The following COX7B2 variants were observed in gnomAD, a reference collection of about 807,000 sequenced individuals.
The protein encoded by COX7B2 is cytochrome c oxidase subunit 7B2, mitochondrial.
For synonymous variants in COX7B2, 37 were observed against 32.1 expected (o/e 1.15, Z -0.51); for missense variants, 109 against 95.9 (o/e 1.14, Z -0.57).
intron 2 of COX7B2, among the ~76,000 whole-genome samples, chr4:46,803,790 C>A (rs1185848175): frequency 2.1e-5 from 3 of 141,112 alleles, no homozygotes; most frequent in Non-Finnish European, 4.5e-5. Context: ...CAAAGACAGA[C>A]AAGTATTTAA....
At chr4:46,895,920 C>A (rs138472873) in intron 1 of COX7B2, among the ~76,000 whole-genome samples, 2 of 152,230 alleles carry the variant, frequency 1.3e-5, no homozygotes, top group East Asian at 1.9e-4. Flanking sequence ...TGCACTTTCA[C>A]CACCTTTATT....
chr4:46,832,966 C>A (rs142534205), intron 2 of COX7B2, among the ~76,000 whole-genome samples: 1,678 of 151,824 alleles, frequency 0.011, 18 homozygotes, highest in Middle Eastern at 0.041. Flanking sequence ...AGTGCAAAGG[C>A]GTGATCTTGG....
intron 2 of COX7B2, among the ~76,000 whole-genome samples, chr4:46,766,393 TTCA>T (rs1421660920): frequency 6.6e-6 from 1 of 152,150 alleles, no homozygotes; most frequent in Non-Finnish European, 1.5e-5. Flanking sequence ...TTTGTCACAC[TTCA>T]TCATCAAATG....
At chr4:46,823,462 A>T (rs1472612887) in intron 2 of COX7B2, among the ~76,000 whole-genome samples, 5 of 151,582 alleles carry the variant, frequency 3.3e-5, no homozygotes, top group Admixed American at 6.6e-5. Context: ...TAACAGAAAG[A>T]CATCTGAAAA....
intron 1 of COX7B2, among the ~76,000 whole-genome samples, chr4:46,901,684 C>T (rs565219029): frequency 2.0e-5 from 3 of 152,318 alleles, no homozygotes; most frequent in African/African-American, 7.2e-5. Flanking sequence ...TGCGGACTTA[C>T]GTCAGCCAAT....
intron 1 of COX7B2, among the ~76,000 whole-genome samples, chr4:46,867,410 C>A (rs1341055526): frequency 6.6e-6 from 1 of 152,218 alleles, no homozygotes; most frequent in African/African-American, 2.4e-5. Context: ...CCAATGGTGT[C>A]AAAGGCTGTC....
At chr4:46,897,155 C>G (rs1428165587) in intron 1 of COX7B2, among the ~76,000 whole-genome samples, 1 of 152,098 alleles carries the variant, frequency 6.6e-6, no homozygotes, top group African/African-American at 2.4e-5. Context: ...GACAACAGAA[C>G]CAGGAACAAA....
chr4:46,838,990 C>T (rs1368515834), intron 2 of COX7B2, among the ~76,000 whole-genome samples: 2 of 151,812 alleles, frequency 1.3e-5, no homozygotes, highest in Non-Finnish European at 2.9e-5. Context: ...ATGCATTTAG[C>T]GCCTTTTCAA....
chr4:46,737,012 T>C (rs1714408880), intron 2 of COX7B2, among the ~76,000 whole-genome samples: 1 of 152,176 alleles, frequency 6.6e-6, no homozygotes, highest in African/African-American at 2.4e-5. Flanking sequence ...TGTTTAGTTT[T>C]ATAAGAAACT....
intron 2 of COX7B2, among the ~76,000 whole-genome samples, chr4:46,841,374 T>TGTGTGTGTGTGTG (rs1560414291): frequency 2.0e-5 from 3 of 150,678 alleles, no homozygotes; most frequent in South Asian, 2.1e-4. Flanking sequence ...TGTGTGTGTG[T>TGTGTGTGTGTGTG]TTAAGATGGG....
intron 2 of COX7B2, among the ~76,000 whole-genome samples, chr4:46,808,790 G>A (rs1719139220): frequency 6.6e-6 from 1 of 151,868 alleles, no homozygotes; most frequent in Admixed American, 6.6e-5. Context: ...CAATTGAGAT[G>A]ATCACGTGGT....
In COX7B2 at chr4:46,908,796, C is replaced by CT. The variant is rs537148489; in HGVS notation, c.-105+363dup. Among the ~76,000 whole-genome samples the CT allele has an allele frequency of 2.6e-3, 387 of 147,732 alleles. 1 individual carries two copies. The Middle Eastern group carries it at 0.034, about 13-fold the overall frequency. On this transcript the variant is annotated intron_variant, in intron 1 of 2. Coordinates refer to ENST00000355591, the MANE Select transcript of COX7B2 (RefSeq NM_130902.3). ...GTGGCTCACGCCTGTAATCCCAACA[C>CT]TTTGGGAGGCCGAGGCGGGTGGATC... is the stretch of plus-strand genomic sequence containing the variant.
chr4:46,745,350 C>T (rs1714959339), intron 2 of COX7B2, among the ~76,000 whole-genome samples: 1 of 152,100 alleles, frequency 6.6e-6, no homozygotes, highest in Admixed American at 6.5e-5. Context: ...GGTGCATTCG[C>T]AGAGAAATTT....
At chr4:46,786,941 T>C (rs1315158780) in intron 2 of COX7B2, among the ~76,000 whole-genome samples, 3 of 151,934 alleles carry the variant, frequency 2.0e-5, no homozygotes, top group Admixed American at 6.6e-5. Context: ...AAAGAGAGAG[T>C]TCCTGGACTT....
At chr4:46,755,544 C>T (rs969101593) in intron 2 of COX7B2, among the ~76,000 whole-genome samples, 1 of 152,038 alleles carries the variant, frequency 6.6e-6, no homozygotes, top group Non-Finnish European at 1.5e-5. Context: ...TTATTGATCA[C>T]ATGATAATAT....
chr4:46,882,959 A>T lies in COX7B2; in HGVS notation c.-105+26201T>A, dbSNP rs138222516. Among the ~76,000 whole-genome samples, 633 of 152,332 alleles carry T rather than the reference A, an allele frequency of 4.2e-3. 6 individuals carry two copies. Among genetic ancestry groups the T allele is most frequent in the African/African-American group, 0.014 (592 of 41,572 alleles). Reference sequence around the variant, plus strand: ...TGCAATGGGAAAGAGACTTAATTTCACACATATGTTTAATAAATATGTTTC... The same window carrying T: ...TGCAATGGGAAAGAGACTTAATTTCTCACATATGTTTAATAAATATGTTTC... On this transcript the variant is annotated intron_variant, in intron 1 of 2. Transcript: ENST00000355591.
At chr4:46,896,160 G>C (rs543909395) in intron 1 of COX7B2, among the ~76,000 whole-genome samples, 1 of 152,246 alleles carries the variant, frequency 6.6e-6, no homozygotes, top group Non-Finnish European at 1.5e-5. Flanking sequence ...GCGTATACCT[G>C]AGTATAAACT....
intron 1 of COX7B2, among the ~76,000 whole-genome samples, chr4:46,849,719 G>T (rs2109775473): frequency 6.6e-6 from 1 of 151,956 alleles, no homozygotes; most frequent in South Asian, 2.1e-4. Flanking sequence ...TAAGTTTTAG[G>T]GTACATGTGC....
At chr4:46,797,243 C>T (rs1440782599) in intron 2 of COX7B2, among the ~76,000 whole-genome samples, 1 of 151,782 alleles carries the variant, frequency 6.6e-6, no homozygotes, top group East Asian at 1.9e-4. Context: ...TAACTGTACA[C>T]TGGGGAAAAG....
Sources: gnomAD v4.1 joint callset for allele counts (sites outside exome capture counted in the v4.1 genomes callset) on GRCh38, gnomAD v4.1.1 for gene constraint, MANE v1.5 for transcripts, NCBI Gene and HGNC (gene_info 2026-07-23, HGNC 2026-07-21) for gene names.